The following SLC39A11 variants were observed in gnomAD, a reference collection of about 807,000 sequenced individuals.
SLC39A11 encodes the protein solute carrier family 39 member 11.
SLC39A11 carries 33 observed loss-of-function variants against 36.1 expected under a neutral mutation model. That is an observed-to-expected ratio of 0.91 (90% CI 0.69 to 1.22). The LOEUF (loss-of-function observed/expected upper bound fraction) is 1.22. Among genes scored for constraint, SLC39A11 ranks in the 50% most tolerant of loss-of-function variants. The pLI, the probability that SLC39A11 is intolerant of heterozygous loss-of-function variation, is 0.00. For missense variants in SLC39A11, 432 were observed against 430.3 expected (o/e 1.00, Z -0.03); for synonymous variants, 166 against 170.3 (o/e 0.97, Z 0.20).
intron 5 of SLC39A11, among the ~76,000 whole-genome samples, chr17:72,884,806 C>A (rs2081370526): frequency 6.6e-6 from 1 of 152,192 alleles, no homozygotes; most frequent in South Asian, 2.1e-4. Flanking sequence ...AAATGGATAG[C>A]TTTAACATAA....
chr17:72,782,771 C>T (rs1248372748), intron 6 of SLC39A11, among the ~76,000 whole-genome samples: 1 of 148,012 alleles, frequency 6.8e-6, no homozygotes, highest in Non-Finnish European at 1.5e-5. Context: ...GAGGCCAAGG[C>T]GGGTGGATCA....
At chr17:72,762,255 A>C (rs1375068884) in intron 6 of SLC39A11, among the ~76,000 whole-genome samples, 1 of 152,244 alleles carries the variant, frequency 6.6e-6, no homozygotes, top group African/African-American at 2.4e-5. Context: ...AACAGGTTGC[A>C]GTAAAGAAGG....
intron 7 of SLC39A11, among the ~76,000 whole-genome samples, chr17:72,687,277 A>G (rs1356859661): frequency 2.0e-5 from 3 of 151,596 alleles, no homozygotes; most frequent in African/African-American, 7.3e-5. Context: ...TTTTTTTTTT[A>G]GACAGTCTCG....
At chr17:72,861,740 T>TATA (rs1555605569) in intron 5 of SLC39A11, among the ~76,000 whole-genome samples, 1 of 67,346 alleles carries the variant, frequency 1.5e-5, no homozygotes, top group Non-Finnish European at 2.9e-5. Flanking sequence ...ACATTGGAGA[T>TATA]TATATATATA....
chr17:72,780,059 GGTC>G (rs978794315), intron 6 of SLC39A11, among the ~76,000 whole-genome samples: 1 of 152,140 alleles, frequency 6.6e-6, no homozygotes, highest in African/African-American at 2.4e-5. Flanking sequence ...CCATCCCCTT[GGTC>G]AGTGTACTCA....
intron 5 of SLC39A11, among the ~76,000 whole-genome samples, chr17:72,891,838 T>A (rs2081761272): frequency 6.6e-6 from 1 of 151,384 alleles, no homozygotes; most frequent in Non-Finnish European, 1.5e-5. Flanking sequence ...TTAAAATTAT[T>A]TTAAAAATGT....
chr17:72,861,226 C>T (rs922346629), intron 5 of SLC39A11, among the ~76,000 whole-genome samples: 2 of 152,102 alleles, frequency 1.3e-5, no homozygotes, highest in East Asian at 1.9e-4. Flanking sequence ...TGAAAGCATG[C>T]CTTGGCTATA....
intron 7 of SLC39A11, among the ~76,000 whole-genome samples, chr17:72,695,046 G>A (rs1038976179): frequency 3.3e-5 from 5 of 152,176 alleles, no homozygotes; most frequent in Admixed American, 3.3e-4. Context: ...TCTTTCTGCT[G>A]GTATGCAGTT....
chr17:72,747,381 A>G (rs1438521027), intron 6 of SLC39A11, among the ~76,000 whole-genome samples: 3 of 152,022 alleles, frequency 2.0e-5, no homozygotes, highest in African/African-American at 7.3e-5. Context: ...TGAACTCCTG[A>G]CCTCAGGTGA....
At chr17:72,680,041 C>CAA (rs199650969) in intron 7 of SLC39A11, among the ~76,000 whole-genome samples, 2,390 of 71,384 alleles carry the variant, frequency 0.033, 354 homozygotes, top group Non-Finnish European at 0.04. Context: ...GACTCTGTCT[C>CAA]AAAAAAAAAA....
chr17:72,843,429 T>C (rs557788229), intron 6 of SLC39A11, among the ~76,000 whole-genome samples: 3 of 152,286 alleles, frequency 2.0e-5, no homozygotes, highest in African/African-American at 7.2e-5. Context: ...ACTTAGGGAA[T>C]GAATGGTATT....
rs1567912984 is a variant in SLC39A11, at chr17:72,900,200, A to AAGGAAGGAAG, written c.430+47551_430+47552insCTTCCTTCCT. On this transcript the variant is annotated intron_variant, in intron 5 of 9. Coordinates refer to ENST00000255559, the MANE Select transcript of SLC39A11 (RefSeq NM_139177.4). ...AAGAAAGAAAGAAAGAAAGAAAGAA[A>AAGGAAGGAAG]GAAAGAAAGAAAGAAAGAAAGAAAG... Among the ~76,000 whole-genome samples, 9 of 136,704 alleles carry AAGGAAGGAAG rather than the reference A, an allele frequency of 6.6e-5. 1 individual carries two copies. The highest frequency in any genetic ancestry group is 2.4e-4 in the African/African-American group (8 of 33,820). The allele number at this position is 136,704 out of a possible 152,430, so 89.7% of individuals were successfully genotyped here.
intron 6 of SLC39A11, among the ~76,000 whole-genome samples, chr17:72,760,934 T>A (rs1250049215): frequency 2.0e-5 from 3 of 152,112 alleles, no homozygotes; most frequent in African/African-American, 7.2e-5. Flanking sequence ...TCTGCTAGAA[T>A]CCCCTTTGTG....
chr17:72,774,253 T>C (rs2076056611), intron 6 of SLC39A11, among the ~76,000 whole-genome samples: 1 of 152,170 alleles, frequency 6.6e-6, no homozygotes, highest in African/African-American at 2.4e-5. Flanking sequence ...TTGCAGGGAC[T>C]CAAGGTGTGT....
At position 73,091,050 on chromosome 17, in the gene SLC39A11, A is replaced by C. The variant is rs140248949; in HGVS notation, c.-12+1561T>G. On this transcript the variant is annotated intron_variant, in intron 1 of 9. Coordinates refer to ENST00000255559, the MANE Select transcript of SLC39A11 (RefSeq NM_139177.4). Reference sequence around the variant, plus strand: ...TGCAGAAACTCAGGTCTCACCCCAGACTTTCTGAATCAGGGTCTGCATTTT... The same window carrying C: ...TGCAGAAACTCAGGTCTCACCCCAGCCTTTCTGAATCAGGGTCTGCATTTT... Among the ~76,000 whole-genome samples, 578 of 152,284 alleles carry C rather than the reference A, an allele frequency of 3.8e-3. 8 individuals carry two copies. The highest frequency in any genetic ancestry group is 0.027 in the East Asian group (139 of 5,184).
chr17:72,716,581 C>T (rs1399417788), intron 7 of SLC39A11, among the ~76,000 whole-genome samples: 5 of 148,404 alleles, frequency 3.4e-5, no homozygotes, highest in South Asian at 2.1e-4. Context: ...AAAAAAAAAT[C>T]GGAAACTTTA....
intron 3 of SLC39A11, among the ~76,000 whole-genome samples, chr17:73,079,220 C>T (rs2060434435): frequency 6.6e-6 from 1 of 152,116 alleles, no homozygotes; most frequent in African/African-American, 2.4e-5. Flanking sequence ...GCCTCGGCTT[C>T]CCAAGTAGCT....
intron 4 of SLC39A11, among the ~76,000 whole-genome samples, chr17:73,005,819 C>T (rs767643696): frequency 8.5e-5 from 13 of 152,124 alleles, no homozygotes; most frequent in African/African-American, 2.9e-4. Context: ...GGTGTGGTGG[C>T]GCAGGTCTGT....
At chr17:72,809,093 T>C (rs2077352941) in intron 6 of SLC39A11, among the ~76,000 whole-genome samples, 1 of 152,224 alleles carries the variant, frequency 6.6e-6, no homozygotes, top group Admixed American at 6.5e-5. Flanking sequence ...ATTATTTCTC[T>C]AAGATCCTGC....
Sources: allele counts gnomAD v4.1 joint callset (sites outside exome capture counted in the v4.1 genomes callset), GRCh38; gene constraint gnomAD v4.1.1; transcripts MANE v1.5; gene names NCBI Gene and HGNC (gene_info 2026-07-23, HGNC 2026-07-21).